Variants in NTRK2 observed in about 807,000 individuals in gnomAD.
NTRK2 encodes neurotrophic receptor tyrosine kinase 2.
Under a neutral mutation model 94.5 loss-of-function variants are expected in NTRK2, and 13 were observed. The ratio of observed to expected loss-of-function variants is 0.14; its 90% confidence interval spans 0.09 to 0.22. The LOEUF is 0.22. Among genes scored for constraint, NTRK2 ranks in the 10% least tolerant of loss-of-function variants. The pLI is 1.00. For missense variants in NTRK2, 639 were observed against 1,071.2 expected, an observed-to-expected ratio of 0.60 and a Z score of 5.63; for synonymous variants, 372 against 407.4, an observed-to-expected ratio of 0.91 and a Z score of 1.05.
At chr9:84,920,654 C>A (rs1033712816) in intron 14 of NTRK2, among the ~76,000 whole-genome samples, 1 of 152,184 alleles carries the variant, frequency 6.6e-6, no homozygotes, top group African/African-American at 2.4e-5. Flanking sequence ...ACATGGAAGC[C>A]ATGCCCCCAT....
At chr9:84,954,314 CACA>C (rs1449097234) in intron 16 of NTRK2, among the ~76,000 whole-genome samples, 1 of 152,332 alleles carries the variant, frequency 6.6e-6, no homozygotes, top group Admixed American at 6.5e-5. Flanking sequence ...CGCAGGATGT[CACA>C]GCAGAGCCTG....
rs1169635968 is a variant in NTRK2 at position 84,723,669 on chromosome 9, A to G, written c.680A>G (p.Asn227Ser). The G allele has an allele frequency of 6.2e-7, 1 of 1,614,080 alleles. No homozygotes were observed. The highest frequency in any genetic ancestry group is 1.7e-5 in the Admixed American group (1 of 60,014). The change falls in exon 7 of 19, where the codon AAT becomes AGT. Residue 227 changes from asparagine (N) to serine (S), a missense_variant. Coordinates refer to ENST00000277120, the MANE Select transcript of NTRK2 (RefSeq NM_006180.6). ...SCSVAGDPVP[N>S]MYWDVGNLVS... ...AGTGTGGCAGGTGATCCGGTTCCTA[A>G]TATGTATTGGGATGTTGGTAACCTG... is the stretch of plus-strand genomic sequence containing the variant.
chr9:84,692,641 A>G (rs1335106418), intron 2 of NTRK2, among the ~76,000 whole-genome samples: 1 of 151,466 alleles, frequency 6.6e-6, no homozygotes, highest in Non-Finnish European at 1.5e-5. Context: ...CTAATTTTGT[A>G]TTTTTAGTAG....
chr9:84,878,784 C>A (rs921790836), intron 14 of NTRK2, among the ~76,000 whole-genome samples: 13 of 152,138 alleles, frequency 8.5e-5, no homozygotes, highest in Admixed American at 8.5e-4. Flanking sequence ...GAATCTCACT[C>A]CCTTTAGCCT....
At chr9:84,851,809 C>A (rs2074785351) in intron 12 of NTRK2, among the ~76,000 whole-genome samples, 1 of 152,054 alleles carries the variant, frequency 6.6e-6, no homozygotes, top group African/African-American at 2.4e-5. Flanking sequence ...AATACAATGG[C>A]AAAAAGTTTC....
At chr9:84,863,893 C>T (rs959224028) in intron 13 of NTRK2, among the ~76,000 whole-genome samples, 3 of 152,200 alleles carry the variant, frequency 2.0e-5, no homozygotes, top group Non-Finnish European at 2.9e-5. Context: ...ACTGCTTCTA[C>T]GCTTAATCCT....
At chr9:84,988,337 G>A (rs1322275727) in intron 17 of NTRK2, among the ~76,000 whole-genome samples, 1 of 152,184 alleles carries the variant, frequency 6.6e-6, no homozygotes, top group Non-Finnish European at 1.5e-5. Flanking sequence ...TTTTTCTAGG[G>A]AATTAAGGTG....
chr9:84,966,048 A>G (rs1428566885), intron 17 of NTRK2, among the ~76,000 whole-genome samples: 1 of 152,238 alleles, frequency 6.6e-6, no homozygotes, highest in African/African-American at 2.4e-5. Context: ...GGTGACCATA[A>G]GAACTTAGCA....
At chr9:84,867,473 A>G in intron 14 of NTRK2, 42 bp downstream of exon 14, 1 of 1,521,892 alleles carries the variant, frequency 6.6e-7, no homozygotes. Context: ...TTTGCTGCAT[A>G]GCTGTATCAA....
At chr9:84,782,473 G>A (rs968271082) in intron 12 of NTRK2, among the ~76,000 whole-genome samples, 4 of 152,216 alleles carry the variant, frequency 2.6e-5, no homozygotes, top group East Asian at 3.9e-4. Context: ...TGTGGCTGTC[G>A]CTCTAGCAGA....
At chr9:84,981,361 C>CA (rs1241552300) in intron 17 of NTRK2, among the ~76,000 whole-genome samples, 3 of 152,126 alleles carry the variant, frequency 2.0e-5, no homozygotes, top group African/African-American at 7.2e-5. Context: ...CTCGGCTTCC[C>CA]AAAGTGCTGG....
At chr9:84,708,791 A>G (rs2061260173) in intron 5 of NTRK2, among the ~76,000 whole-genome samples, 1 of 152,240 alleles carries the variant, frequency 6.6e-6, no homozygotes, top group Non-Finnish European at 1.5e-5. Flanking sequence ...ACAAGTTAAT[A>G]GGTGTAATGG....
At chr9:84,770,214 C>T (rs1313208624) in intron 12 of NTRK2, among the ~76,000 whole-genome samples, 2 of 148,458 alleles carry the variant, frequency 1.3e-5, no homozygotes, top group Non-Finnish European at 3.0e-5. Context: ...CTGGAAGCAG[C>T]TGGGAGTTAA....
intron 13 of NTRK2, among the ~76,000 whole-genome samples, chr9:84,866,060 T>A (rs2075578646): frequency 6.6e-6 from 1 of 152,236 alleles, no homozygotes; most frequent in Non-Finnish European, 1.5e-5. Context: ...AAAAATGCTA[T>A]GATTATTAAT....
At chr9:84,855,581 A>ATG (rs1554754196) in intron 12 of NTRK2, among the ~76,000 whole-genome samples, 5 of 133,718 alleles carry the variant, frequency 3.7e-5, no homozygotes, top group Admixed American at 3.1e-4. Context: ...CCTCAAGCAT[A>ATG]TTTTTTTTTT....
chr9:84,859,527 G>C (rs1177629419), intron 12 of NTRK2, among the ~76,000 whole-genome samples: 1 of 152,168 alleles, frequency 6.6e-6, no homozygotes, highest in African/African-American at 2.4e-5. Flanking sequence ...GTTCATTGCA[G>C]TTGTTTATTA....
In NTRK2 at chr9:84,670,932, A is replaced by G. The variant is rs915858967; in HGVS notation, c.184A>G (p.Ser62Gly). 1 of 1,607,234 alleles carries G rather than the reference A, an allele frequency of 6.2e-7. No homozygotes were observed. Among genetic ancestry groups the G allele is most frequent in the Non-Finnish European group, 8.5e-7 (1 of 1,179,986 alleles). Reference sequence around the variant, plus strand: ...GGCATTTCCGAGATTGGAGCCTAACAGTGTAGATCCTGAGAACATCACCGA... The same window carrying G: ...GGCATTTCCGAGATTGGAGCCTAACGGTGTAGATCCTGAGAACATCACCGA... The part of the protein sequence containing the change: ...IVAFPRLEPN[S>G]VDPENITEIF... Residue 62 changes from serine (S) to glycine (G), a missense_variant, in exon 2 of 19, where the codon AGT becomes GGT. Ser to Gly is a moderately conservative substitution (Grantham distance 56). Around this residue, in one of 5 missense-constraint regions of NTRK2, gnomAD observed 206 missense variants for 251.5 expected, o/e 0.82. Coordinates refer to ENST00000277120, the MANE Select transcript of NTRK2 (RefSeq NM_006180.6).
chr9:84,979,872 C>T (rs1001550861), intron 17 of NTRK2, among the ~76,000 whole-genome samples: 12 of 152,192 alleles, frequency 7.9e-5, no homozygotes, highest in Non-Finnish European at 1.0e-4. Flanking sequence ...TGACTTGCTA[C>T]GGGTTCAGAT....
chr9:84,832,938 C>G (rs908575420), intron 12 of NTRK2, among the ~76,000 whole-genome samples: 5 of 152,072 alleles, frequency 3.3e-5, no homozygotes, highest in African/African-American at 1.2e-4. Context: ...AGATTGGATG[C>G]GGGCACTCCT....
Sources: gnomAD v4.1 joint callset for allele counts (sites outside exome capture counted in the v4.1 genomes callset) on GRCh38, gnomAD v4.1.1 for gene constraint, gnomAD v4.1.1 regional missense constraint, MANE v1.5 for transcripts, NCBI Gene and HGNC (gene_info 2026-07-23, HGNC 2026-07-21) for gene names.